Variants in PDE4D observed in about 807,000 individuals in gnomAD.
PDE4D encodes 3',5'-cyclic-AMP phosphodiesterase 4D.
Under a neutral mutation model 87.4 loss-of-function variants are expected in PDE4D, and 24 were observed. The observed-to-expected ratio is 0.27, with a 90% CI of 0.20 to 0.39. The LOEUF (loss-of-function observed/expected upper bound fraction) is 0.39. PDE4D is among the 10% of genes least tolerant of loss of function. The probability of loss-of-function intolerance (pLI) is 1.00; values close to 1 mark genes in which losing one functional copy is unlikely to be tolerated. For missense variants in PDE4D, 714 were observed against 1,041.0 expected (o/e 0.69, Z 4.32); for synonymous variants, 384 against 383.2 (o/e 1.00, Z -0.02).
chr5:59,997,257 A>T (rs189593723), intron 2 of PDE4D, among the ~76,000 whole-genome samples: 2 of 152,274 alleles, frequency 1.3e-5, no homozygotes, highest in Non-Finnish European at 2.9e-5. Context: ...AGTGTAGAAA[A>T]GAAACTAACA....
intron 1 of PDE4D, chr5:59,430,600 C>A: frequency 2.6e-6 from 1 of 384,798 alleles, no homozygotes. Context: ...ACCTTGTTTT[C>A]TGTTCATTCT....
chr5:60,244,900 T>C (rs2149668279), intron 1 of PDE4D, among the ~76,000 whole-genome samples: 1 of 151,966 alleles, frequency 6.6e-6, no homozygotes. Context: ...ATTTCTTGAG[T>C]AATGCTCCAC....
chr5:58,983,315 T>C lies in PDE4D; in HGVS notation c.1552+5178A>G, dbSNP rs189879620. ...GGGAGAAAGAAGGCAGTGTAATTAA[T>C]AGGAGTGGCATTAGGGCCACTTCTT... On this transcript the variant is annotated intron_variant, in intron 11 of 14. Coordinates refer to ENST00000340635, the MANE Select transcript of PDE4D (RefSeq NM_001104631.2). Among the ~76,000 whole-genome samples the C allele has an allele frequency of 9.8e-5, 15 of 152,382 alleles. No individual in the cohort carries two copies. The East Asian group carries it at 2.9e-3, about 29-fold the overall frequency.
At chr5:60,406,887 G>A (rs1741582555) in intron 1 of PDE4D, among the ~76,000 whole-genome samples, 1 of 152,148 alleles carries the variant, frequency 6.6e-6, no homozygotes, top group Non-Finnish European at 1.5e-5. Context: ...AAAAATGAGT[G>A]TGGGGAGTTC....
chr5:59,878,847 A>G (rs563268473), intron 1 of PDE4D, among the ~76,000 whole-genome samples: 1 of 139,230 alleles, frequency 7.2e-6, no homozygotes, highest in Non-Finnish European at 1.5e-5. Context: ...CACACCTTTA[A>G]TTTCTTCCCA....
At chr5:59,439,223 G>C (rs1198669294) in intron 1 of PDE4D, among the ~76,000 whole-genome samples, 5 of 152,078 alleles carry the variant, frequency 3.3e-5, no homozygotes, top group Admixed American at 3.3e-4. Flanking sequence ...GCTGTGCATG[G>C]TGGCACACAC....
At chr5:59,200,898 ACTTC>A (rs1386360539) in intron 2 of PDE4D, among the ~76,000 whole-genome samples, 2 of 152,030 alleles carry the variant, frequency 1.3e-5, no homozygotes, top group African/African-American at 4.8e-5. Context: ...TGGACTACAT[ACTTC>A]CTTATAGAAT....
At chr5:59,391,789 C>A (rs1026145455) in intron 1 of PDE4D, among the ~76,000 whole-genome samples, 1 of 151,944 alleles carries the variant, frequency 6.6e-6, no homozygotes, top group African/African-American at 2.4e-5. Flanking sequence ...TGCTCACATG[C>A]TACCTTCTGA....
chr5:59,732,214 A>C (rs1411275661), intron 1 of PDE4D, among the ~76,000 whole-genome samples: 1 of 152,118 alleles, frequency 6.6e-6, no homozygotes, highest in Non-Finnish European at 1.5e-5. Context: ...ACATAGTGTG[A>C]ATTTCAATAA....
intron 2 of PDE4D, among the ~76,000 whole-genome samples, chr5:59,996,558 C>A (rs1010667724): frequency 2.0e-5 from 3 of 152,130 alleles, no homozygotes; most frequent in Admixed American, 1.3e-4. Flanking sequence ...GTTAATAATG[C>A]ACTAAAGCAA....
intron 2 of PDE4D, among the ~76,000 whole-genome samples, chr5:60,176,831 G>A (rs190652010): frequency 4.0e-4 from 61 of 152,202 alleles, no homozygotes; most frequent in Non-Finnish European, 6.6e-4. Flanking sequence ...GTTTTTTGTT[G>A]TGGGCAGAGT....
At chr5:60,086,546 A>G (rs772754552) in intron 2 of PDE4D, among the ~76,000 whole-genome samples, 6 of 152,234 alleles carry the variant, frequency 3.9e-5, no homozygotes, top group Non-Finnish European at 8.8e-5. Flanking sequence ...TTTAGCCATA[A>G]ATGGAATTTT....
chr5:59,824,563 TTGAG>T (rs1581272066), intron 1 of PDE4D, among the ~76,000 whole-genome samples: 1 of 152,216 alleles, frequency 6.6e-6, no homozygotes, highest in African/African-American at 2.4e-5. Context: ...TAAGTAAAGA[TTGAG>T]TATCTATCTT....
intron 1 of PDE4D, among the ~76,000 whole-genome samples, chr5:59,654,653 T>C (rs544572948): frequency 1.3e-5 from 2 of 152,316 alleles, no homozygotes; most frequent in Non-Finnish European, 2.9e-5. Context: ...CATTAGTGCA[T>C]TCACAGAGTT....
At chr5:60,179,655 C>A (rs1263141927) in intron 2 of PDE4D, among the ~76,000 whole-genome samples, 1 of 152,094 alleles carries the variant, frequency 6.6e-6, no homozygotes, top group Non-Finnish European at 1.5e-5. Flanking sequence ...AAAGCCAGAA[C>A]TATAACTCAG....
intron 3 of PDE4D, among the ~76,000 whole-genome samples, chr5:59,985,384 G>T (rs1217097347): frequency 3.3e-5 from 5 of 151,536 alleles, no homozygotes; most frequent in African/African-American, 1.2e-4. Context: ...CTTGTGATCT[G>T]CCCGCCTCAG....
chr5:59,931,746 G>A (rs1755964563), intron 3 of PDE4D, among the ~76,000 whole-genome samples: 1 of 134,394 alleles, frequency 7.4e-6, no homozygotes. Flanking sequence ...CTGTCGCCCA[G>A]GCTGGAGTGC....
At chr5:59,167,713 C>A (rs1055267550) in intron 5 of PDE4D, among the ~76,000 whole-genome samples, 1 of 152,096 alleles carries the variant, frequency 6.6e-6, no homozygotes, top group African/African-American at 2.4e-5. Flanking sequence ...CACTTATAAG[C>A]CCTCTGTTTT....
chr5:59,742,102 C>T (rs570431577), intron 1 of PDE4D, among the ~76,000 whole-genome samples: 3 of 152,112 alleles, frequency 2.0e-5, no homozygotes, highest in South Asian at 2.1e-4. Context: ...TTGCTCTTGT[C>T]GCCCAGGCTG....
Sources: gnomAD v4.1 joint callset for allele counts (sites outside exome capture counted in the v4.1 genomes callset) on GRCh38, gnomAD v4.1.1 for gene constraint, MANE v1.5 for transcripts, NCBI Gene and HGNC (gene_info 2026-07-23, HGNC 2026-07-21) for gene names.